Variants in DLG4 observed in about 807,000 individuals in gnomAD.
The protein encoded by DLG4 is disks large homolog 4.
A neutral mutation model predicts 93.8 loss-of-function variants in DLG4; 7 were observed. The ratio of observed to expected loss-of-function variants is 0.07; its 90% confidence interval spans 0.04 to 0.14. The LOEUF (loss-of-function observed/expected upper bound fraction) is 0.14, where lower values mean the gene tolerates loss of function less well. Among genes scored for constraint, DLG4 ranks in the 10% least tolerant of loss-of-function variants. The pLI, the probability that DLG4 is intolerant of heterozygous loss-of-function variation, is 1.00. For synonymous variants in DLG4, 341 were observed against 387.6 expected (o/e 0.88, Z 1.41); for missense variants, 545 against 992.9 (o/e 0.55, Z 6.06).
chr17:7,207,041 G>A (rs1467423156), intron 2 of DLG4, among the ~76,000 whole-genome samples: 1 of 152,038 alleles, frequency 6.6e-6, no homozygotes, highest in Non-Finnish European at 1.5e-5. Flanking sequence ...GGCCTCCCGG[G>A]ACTGGAGAGA....
intron 1 of DLG4, among the ~76,000 whole-genome samples, chr17:7,216,554 C>A (rs1429955403): frequency 1.3e-5 from 2 of 152,160 alleles, no homozygotes; most frequent in African/African-American, 2.4e-5. Context: ...ATTAACAGTT[C>A]CCTCAAATTG....
chr17:7,202,116 C>T (rs962336648), intron 8 of DLG4, among the ~76,000 whole-genome samples: 2 of 152,200 alleles, frequency 1.3e-5, no homozygotes, highest in African/African-American at 4.8e-5. Context: ...CGCTCTGTCA[C>T]CCAGTCTGGT....
intron 1 of DLG4, among the ~76,000 whole-genome samples, chr17:7,216,421 C>T (rs1338863238): frequency 6.6e-6 from 1 of 152,198 alleles, no homozygotes; most frequent in African/African-American, 2.4e-5. Context: ...CAATCTTCTG[C>T]CTCCTATGGG....
chr17:7,193,136 A>AC lies in DLG4; in HGVS notation c.1694-20dup. 6.2e-7 allele frequency: 1 copy of AC among 1,611,868 alleles called. No homozygotes were observed. Among genetic ancestry groups the AC allele is most frequent in the Non-Finnish European group, 8.5e-7 (1 of 1,178,836 alleles). ...GTCGTATCTGCCAGGAAGTCACCCCACCCCCCAAAGATCTAACCACCATCC... is the reference window on the plus strand; with the variant it reads ...GTCGTATCTGCCAGGAAGTCACCCCACCCCCCCAAAGATCTAACCACCATCC... On this transcript the variant is annotated intron_variant, in intron 16 of 19. Coordinates refer to ENST00000399506, the MANE Select transcript of DLG4 (RefSeq NM_001321075.3). This position sits in a 1 kb window ranked among gnomAD's most constrained non-coding sequence, Gnocchi z 6.7.
At chr17:7,198,674 C>G (rs1268254630) in intron 8 of DLG4, among the ~76,000 whole-genome samples, 1 of 151,256 alleles carries the variant, frequency 6.6e-6, no homozygotes, top group Non-Finnish European at 1.5e-5. Context: ...ATGGTGAAAT[C>G]CCATCTGTAC....
At position 7,191,943 on chromosome 17, in the gene DLG4, G is replaced by A; in HGVS notation, c.1926C>T (p.His642=). The A allele has an allele frequency of 1.3e-6, 2 of 1,494,222 alleles. No individual in the cohort carries two copies. The highest frequency in any genetic ancestry group is 2.2e-5 in the Admixed American group (1 of 44,852). The allele number at this position is 1,494,222 out of a possible 1,614,324, so 92.6% of individuals were successfully genotyped here. The change falls in exon 18 of 20, where the codon CAC becomes CAT. Residue 642 remains histidine (H), a synonymous_variant. Transcript: ENST00000399506. This position sits in a 1 kb window ranked among gnomAD's most constrained non-coding sequence, Gnocchi z 6.6. ...GGATGAAGATGGCGATGGGGTGCAG[G>A]TGGGCCGCCTGCAGCCGCCGCACGG... ...ANAVRRLQAA[H]LHPIAIFIRP...
intron 8 of DLG4, among the ~76,000 whole-genome samples, chr17:7,199,058 T>C (rs2069971875): frequency 6.6e-6 from 1 of 151,962 alleles, no homozygotes; most frequent in Admixed American, 6.6e-5. Context: ...AAAACAGCCC[T>C]ATGTCAACCT....
chr17:7,196,671 G>A lies in DLG4; in HGVS notation c.1083+86C>T, dbSNP rs976602308. The stretch of plus-strand genomic sequence containing the variant: ...AGTGGTCCCGCAAGAGGACTCGGCT[G>A]CAGCCCATCCAGGCCCCTCCCCAAG... On this transcript the variant is annotated intron_variant, in intron 9 of 19. Transcript: ENST00000399506. The surrounding 1 kb of genome is among the most constrained non-coding windows in gnomAD (Gnocchi z 8.3). 77 of 1,583,112 alleles carry A rather than the reference G, an allele frequency of 4.9e-5. 1 individual carries two copies. The African/African-American group carries it at 8.5e-4, about 17-fold the overall frequency.
Position 7,190,659 on chromosome 17 carries a change from G to C in DLG4, c.*49C>G. On this transcript the variant is annotated 3_prime_UTR_variant, in exon 20 of 20. Transcript: ENST00000399506. Reference sequence around the variant, plus strand: ...CTTGGGCAATTCAGTCCAGACCAAGGGCCCAGGTGATGGAGGCAGGGCGAG... The same window carrying C: ...CTTGGGCAATTCAGTCCAGACCAAGCGCCCAGGTGATGGAGGCAGGGCGAG... The C allele has an allele frequency of 6.8e-7, 1 of 1,462,860 alleles. No homozygotes were observed. Among genetic ancestry groups the C allele is most frequent in the Non-Finnish European group, 9.6e-7 (1 of 1,042,270 alleles). 90.6% of individuals were successfully genotyped at this position (1,462,860 alleles called of 1,614,324 possible).
rs1567803654 is a variant in DLG4 at position 7,191,800 on chromosome 17, GT to G, written c.1976+92del. ...GGGGCTGCTGAAACCGCTGTCCAGGGTTCTGAAGGGAGAGTTGAACGCAGAC... is the reference window on the plus strand; with the variant it reads ...GGGGCTGCTGAAACCGCTGTCCAGGGTCTGAAGGGAGAGTTGAACGCAGAC... On this transcript the variant is annotated intron_variant, in intron 18 of 19. Coordinates refer to ENST00000399506, the MANE Select transcript of DLG4 (RefSeq NM_001321075.3). The surrounding 1 kb of genome is among the most constrained non-coding windows in gnomAD (Gnocchi z 6.6). 1.1e-6 allele frequency: 1 copy of G among 918,888 alleles called. No individual in the cohort carries two copies. Among genetic ancestry groups the G allele is most frequent in the Non-Finnish European group, 1.6e-6 (1 of 619,118 alleles). The allele number at this position is 918,888 out of a possible 1,614,324, so 56.9% of individuals were successfully genotyped here.
In DLG4 at chr17:7,203,409, A is replaced by G; in HGVS notation, c.505+15T>C. The G allele has an allele frequency of 1.9e-6, 3 of 1,597,844 alleles. No individual in the cohort carries two copies. The highest frequency in any genetic ancestry group is 2.6e-6 in the Non-Finnish European group (3 of 1,166,684). On this transcript the variant is annotated intron_variant, in intron 6 of 19. Coordinates refer to ENST00000399506, the MANE Select transcript of DLG4 (RefSeq NM_001321075.3). The surrounding 1 kb of genome is among the most constrained non-coding windows in gnomAD (Gnocchi z 7.2). ...GGACAGTTGGGATGGGGGTGGGAAC[A>G]AAATGAGTTACTACCTTTAGGCCCC...
intron 1 of DLG4, among the ~76,000 whole-genome samples, chr17:7,215,170 T>G (rs752138161): frequency 4.7e-4 from 71 of 152,102 alleles, no homozygotes; most frequent in Admixed American, 1.6e-3. Context: ...CTTATGGGAG[T>G]TGGAGTCCCC....
chr17:7,191,102 T>C lies in DLG4; in HGVS notation c.2068+165A>G, dbSNP rs1489932501. ...CTCCTGCCTCGGCCTACCGAGTAGCTGGGATTACAGGTGCCCGCCAGTGCT... is the reference window on the plus strand; with the variant it reads ...CTCCTGCCTCGGCCTACCGAGTAGCCGGGATTACAGGTGCCCGCCAGTGCT... On this transcript the variant is annotated intron_variant, in intron 19 of 19. Transcript: ENST00000399506. This position sits in a 1 kb window ranked among gnomAD's most constrained non-coding sequence, Gnocchi z 6.6. Among the ~76,000 whole-genome samples the C allele has an allele frequency of 6.7e-6, 1 of 149,650 alleles. No homozygotes were observed. The highest frequency in any genetic ancestry group is 1.5e-5 in the Non-Finnish European group (1 of 67,578).
upstream of DLG4, chr17:7,217,637 G>A: frequency 1.7e-6 from 2 of 1,202,504 alleles, no homozygotes; most frequent in Non-Finnish European, 2.3e-6. Context: ...GAGAGAGGAA[G>A]CAGGGGGAGG....
At chr17:7,212,994 C>G (rs2070766003) in intron 1 of DLG4, among the ~76,000 whole-genome samples, 1 of 152,040 alleles carries the variant, frequency 6.6e-6, no homozygotes, top group Non-Finnish European at 1.5e-5. Context: ...GATCGTGCCA[C>G]TGCACTCTAG....
Position 7,189,142 on chromosome 17 carries a change from C to G in DLG4, c.*1566G>C, listed in dbSNP as rs887850255. ...AAAAAAAAAAAGGGTGGGGGGGGCG[C>G]ATAAAGAAACCTAGCGTATATTCAC... On this transcript the variant is annotated 3_prime_UTR_variant, in exon 20 of 20. Transcript: ENST00000399506. 2.0e-4 allele frequency among the ~76,000 whole-genome samples: 30 copies of G among 146,966 alleles called. No individual in the cohort carries two copies. The highest frequency in any genetic ancestry group is 3.4e-4 in the Non-Finnish European group (23 of 66,986).
chr17:7,197,270 G>A (rs1220025037), intron 8 of DLG4, among the ~76,000 whole-genome samples: 3 of 152,014 alleles, frequency 2.0e-5, no homozygotes, highest in Non-Finnish European at 4.4e-5. Flanking sequence ...AGGGGATAAA[G>A]GATTTGAACG....
At chr17:7,205,233 C>T (rs112389616) in intron 2 of DLG4, 2 of 922,872 alleles carry the variant, frequency 2.2e-6, no homozygotes. Flanking sequence ...CATCTACTCC[C>T]TCCCCCCACT....
intron 2 of DLG4, among the ~76,000 whole-genome samples, chr17:7,205,771 G>A (rs1321284438): frequency 2.2e-5 from 1 of 46,492 alleles, no homozygotes; most frequent in East Asian, 8.5e-4. Context: ...CCCGCAGCCC[G>A]TCCCCCATCC....
Sources: allele counts gnomAD v4.1 joint callset (sites outside exome capture counted in the v4.1 genomes callset), GRCh38; gene constraint gnomAD v4.1.1; non-coding constraint Gnocchi (gnomAD v3.1); transcripts MANE v1.5; gene names NCBI Gene and HGNC (gene_info 2026-07-23, HGNC 2026-07-21).